The following UTRN variants were observed in gnomAD, a reference collection of about 807,000 sequenced individuals.
UTRN encodes the protein utrophin.
Under a neutral mutation model 463.9 loss-of-function variants are expected in UTRN, and 283 were observed. That is an observed-to-expected ratio of 0.61 (90% confidence interval 0.55 to 0.67). UTRN has a LOEUF of 0.67. Ranked by LOEUF, UTRN falls within the 30% of genes least tolerant of loss-of-function variation. The pLI is 0.00. For synonymous variants in UTRN, 1,442 were observed against 1,431.5 expected, an observed-to-expected ratio of 1.01 and a Z score of -0.17; for missense variants, 3,922 against 4,084.3, an observed-to-expected ratio of 0.96 and a Z score of 1.08.
intron 3 of UTRN, among the ~76,000 whole-genome samples, chr6:144,404,122 C>G (rs1405019303): frequency 6.6e-6 from 1 of 152,088 alleles, no homozygotes; most frequent in Non-Finnish European, 1.5e-5. Context: ...GCTCCACGTC[C>G]CAATATTTAT....
chr6:144,353,521 G>A (rs147216697), intron 2 of UTRN, among the ~76,000 whole-genome samples: 3,568 of 151,836 alleles, frequency 0.023, 60 homozygotes, highest in Non-Finnish European at 0.038. Context: ...GCCTCCCAAA[G>A]TGCTGGGATA....
At chr6:144,500,692 T>G (rs1238971547) in intron 34 of UTRN, among the ~76,000 whole-genome samples, 1 of 152,194 alleles carries the variant, frequency 6.6e-6, no homozygotes, top group Non-Finnish European at 1.5e-5. Context: ...TTGCAAACTT[T>G]CAGATGTAAA....
rs772757079 is a variant in UTRN at position 144,437,640 on chromosome 6, C to G, written c.1135C>G (p.Gln379Glu). 1 of 1,614,090 alleles carries G rather than the reference C, an allele frequency of 6.2e-7. No individual in the cohort carries two copies. Among genetic ancestry groups the G allele is most frequent in the South Asian group, 1.1e-5 (1 of 91,080 alleles). The change falls in exon 11 of 75, where the codon CAA (glutamine) becomes GAA (glutamate). Residue 379 changes from glutamine (Q) to glutamate (E), a missense_variant. Gln to Glu is a conservative substitution (Grantham distance 29, BLOSUM62 2). Transcript: ENST00000367545. ...VLQAGNQLIT[Q>E]GTLSDEEEFE... ...GCAGGCAGGCAACCAACTGATAACACAAGGAACTCTGTCAGACGAAGAAGA... is the reference window on the plus strand; with the variant it reads ...GCAGGCAGGCAACCAACTGATAACAGAAGGAACTCTGTCAGACGAAGAAGA...
intron 2 of UTRN, among the ~76,000 whole-genome samples, chr6:144,343,178 A>C (rs1777276384): frequency 6.6e-6 from 1 of 152,206 alleles, no homozygotes; most frequent in Admixed American, 6.5e-5. Context: ...AGTCTTTGCT[A>C]ATAAGTAGAA....
chr6:144,728,942 G>A (rs1788220821), intron 53 of UTRN, among the ~76,000 whole-genome samples: 1 of 152,118 alleles, frequency 6.6e-6, no homozygotes, highest in Admixed American at 6.6e-5. Context: ...TGAGGGTTAA[G>A]CTACACTTTG....
intron 53 of UTRN, among the ~76,000 whole-genome samples, chr6:144,708,793 A>G (rs538165455): frequency 6.6e-6 from 1 of 152,268 alleles, no homozygotes; most frequent in African/African-American, 2.4e-5. Context: ...TTTATAAGGA[A>G]GAGAGATTTA....
chr6:144,781,248 A>T (rs987970683), intron 60 of UTRN, among the ~76,000 whole-genome samples: 2 of 152,134 alleles, frequency 1.3e-5, no homozygotes, highest in African/African-American at 2.4e-5. Flanking sequence ...TGTCTAGAGT[A>T]CTGACTGCTC....
intron 53 of UTRN, among the ~76,000 whole-genome samples, chr6:144,724,375 C>T (rs943501121): frequency 2.0e-5 from 3 of 151,280 alleles, no homozygotes; most frequent in African/African-American, 7.3e-5. Flanking sequence ...ACTACAGGCA[C>T]CCGCCACCAC....
intron 51 of UTRN, among the ~76,000 whole-genome samples, chr6:144,671,044 A>T (rs918471540): frequency 2.6e-5 from 4 of 152,054 alleles, no homozygotes; most frequent in Admixed American, 1.3e-4. Context: ...ATAGCCTTGT[A>T]GTATAGTTTG....
Position 144,488,827 on chromosome 6 carries a change from A to G in UTRN, c.4127A>G (p.Glu1376Gly). ...DRIDAFQVPQ[E>G]AQKIQAEISA... ...ATAGATGCTTTCCAAGTTCCACAGG[A>G]AGCTCAGGTATTGCCGTGCATTTGA... is the stretch of plus-strand genomic sequence containing the variant. Residue 1376 changes from glutamate to glycine, a missense_variant, in exon 30 of 75, where the codon GAA (glutamate) becomes GGA (glycine). Glu to Gly is a moderately conservative substitution (Grantham distance 98). Transcript: ENST00000367545. 6.3e-7 allele frequency: 1 copy of G among 1,593,622 alleles called. No individual in the cohort carries two copies. Among genetic ancestry groups the G allele is most frequent in the Non-Finnish European group, 8.6e-7 (1 of 1,167,828 alleles).
Position 144,577,155 on chromosome 6 carries a change from G to T in UTRN, c.7346G>T (p.Arg2449Leu), listed in dbSNP as rs771357033. The change falls in exon 51 of 75, where the codon CGC (arginine) becomes CTC (leucine). Residue 2449 changes from arginine (R) to leucine (L), a missense_variant. Coordinates refer to ENST00000367545, the MANE Select transcript of UTRN (RefSeq NM_007124.3). The part of the protein sequence containing the change: ...EAEWRTVQAS[R>L]RDLENFLKWI... Reference sequence around the variant, plus strand: ...GAGTGGAGGACGGTGCAGGCCTCTCGCAGAGATCTGGAAAACTTCCTGAAG... The same window carrying T: ...GAGTGGAGGACGGTGCAGGCCTCTCTCAGAGATCTGGAAAACTTCCTGAAG... 3 of 1,613,936 alleles carry T rather than the reference G, an allele frequency of 1.9e-6. No individual in the cohort carries two copies. Among genetic ancestry groups the T allele is most frequent in the Non-Finnish European group, 2.5e-6 (3 of 1,179,928 alleles).
intron 39 of UTRN, among the ~76,000 whole-genome samples, chr6:144,521,295 C>CA (rs1331345176): frequency 6.6e-6 from 1 of 151,490 alleles, no homozygotes; most frequent in African/African-American, 2.4e-5. Flanking sequence ...TGCACCCCCC[C>CA]AAAAAAATAA....
At chr6:144,778,658 T>A (rs192944171) in intron 60 of UTRN, among the ~76,000 whole-genome samples, 133 of 152,074 alleles carry the variant, frequency 8.7e-4, no homozygotes, top group Non-Finnish European at 1.2e-3. Context: ...AATGGCCACA[T>A]AGCTTGACAC....
chr6:144,380,054 A>C, intron 2 of UTRN, among the ~76,000 whole-genome samples: 1 of 152,360 alleles, frequency 6.6e-6, no homozygotes, highest in African/African-American at 2.4e-5. Context: ...TGAATGAAGA[A>C]TGAATAAATA....
In UTRN at chr6:144,851,173, A is replaced by G. The variant is rs1015900122; in HGVS notation, c.*176A>G. ...ACTGACTATCCAAAGAGAAATGGATATTTTGTTTTTATAATAACCATATAT... is the reference window on the plus strand; with the variant it reads ...ACTGACTATCCAAAGAGAAATGGATGTTTTGTTTTTATAATAACCATATAT... On this transcript the variant is annotated 3_prime_UTR_variant, in exon 75 of 75. Transcript: ENST00000367545. The G allele has an allele frequency of 2.4e-5, 19 of 776,442 alleles. No individual in the cohort carries two copies. Among genetic ancestry groups the G allele is most frequent in the Non-Finnish European group, 2.1e-5 (10 of 467,134 alleles). The allele number at this position is 776,442 out of a possible 1,614,324, so 48.1% of individuals were successfully genotyped here.
chr6:144,502,120 A>G (rs946370826), intron 34 of UTRN, among the ~76,000 whole-genome samples: 10 of 151,730 alleles, frequency 6.6e-5, no homozygotes, highest in African/African-American at 2.4e-4. Flanking sequence ...TTTTTTTGAA[A>G]AAAAGTAAAT....
intron 2 of UTRN, 98 bp from the exon 3 acceptor site, chr6:144,403,025 A>G: frequency 2.7e-6 from 3 of 1,111,210 alleles, no homozygotes; most frequent in African/African-American, 1.6e-5. Flanking sequence ...TAATAGGACT[A>G]TTTTAAACTC....
intron 51 of UTRN, among the ~76,000 whole-genome samples, chr6:144,593,900 G>A (rs963750249): frequency 2.0e-5 from 3 of 152,230 alleles, no homozygotes; most frequent in African/African-American, 4.8e-5. Context: ...AACACAGACA[G>A]CATTTCCAAA....
chr6:144,466,157 G>A (rs189919523), intron 23 of UTRN, among the ~76,000 whole-genome samples: 2 of 152,234 alleles, frequency 1.3e-5, no homozygotes, highest in Non-Finnish European at 2.9e-5. Flanking sequence ...TTGGAACTCT[G>A]TGAAGGACAT....
Sources: gnomAD v4.1 joint callset for allele counts (sites outside exome capture counted in the v4.1 genomes callset) on GRCh38, gnomAD v4.1.1 for gene constraint, MANE v1.5 for transcripts, NCBI Gene and HGNC (gene_info 2026-07-23, HGNC 2026-07-21) for gene names.